The following B4GALNT3 variants were observed in gnomAD, a reference collection of about 807,000 sequenced individuals.
The protein encoded by B4GALNT3 is beta-1,4-N-acetyl-galactosaminyltransferase 3, also known as beta-1,4-N-acetylgalactosaminyltransferase 3.
B4GALNT3 carries 86 observed loss-of-function variants against 120.2 expected under a neutral mutation model. That is an observed-to-expected ratio of 0.72 (90% CI 0.60 to 0.86). B4GALNT3 has a LOEUF of 0.86. Among genes scored for constraint, B4GALNT3 ranks in the 40% least tolerant of loss-of-function variants. The probability of loss-of-function intolerance (pLI) is 0.00; values close to 1 mark genes in which losing one functional copy is unlikely to be tolerated. For missense variants in B4GALNT3, 1,167 were observed against 1,298.9 expected (o/e 0.90, Z 1.56); for synonymous variants, 518 against 510.4 (o/e 1.01, Z -0.20).
In B4GALNT3 at chr12:501,104, A is replaced by C. The variant is rs372631351; in HGVS notation, c.170-34062A>C. ...AGGCCAGGCTGGTCTCGAACTCCCA[A>C]CCTCAGGTGATCCACCCCCCTCAGC... is the stretch of plus-strand genomic sequence containing the variant. On this transcript the variant is annotated intron_variant, in intron 1 of 19. Transcript: ENST00000266383. Among the ~76,000 whole-genome samples, 179 of 151,608 alleles carry C rather than the reference A, an allele frequency of 1.2e-3. 3 individuals carry two copies. The East Asian group carries it at 0.014, about 12-fold the overall frequency.
chr12:492,355 T>C (rs960443835), intron 1 of B4GALNT3, among the ~76,000 whole-genome samples: 31 of 152,208 alleles, frequency 2.0e-4, no homozygotes, highest in African/African-American at 7.2e-4. Context: ...TAAAAACTCA[T>C]TAATATTCAC....
chr12:558,480 T>C (rs1270875691), intron 17 of B4GALNT3, 28 bp from the exon 18 acceptor site: 1 of 1,608,662 alleles, frequency 6.2e-7, no homozygotes, highest in Non-Finnish European at 8.5e-7. Flanking sequence ...CTGCAGGGTC[T>C]GCTGACCCTG....
intron 1 of B4GALNT3, among the ~76,000 whole-genome samples, chr12:531,051 G>GCTCT (rs1158000106): frequency 6.6e-6 from 1 of 152,174 alleles, no homozygotes; most frequent in African/African-American, 2.4e-5. Flanking sequence ...GCTTACCAGA[G>GCTCT]GGTAAGCGAC....
chr12:556,680 C>G lies in B4GALNT3; in HGVS notation c.2194C>G (p.Arg732Gly), dbSNP rs761368019. The change falls in exon 15 of 20, where the codon CGA becomes GGA. Residue 732 changes from arginine to glycine, a missense_variant. Coordinates refer to ENST00000266383, the MANE Select transcript of B4GALNT3 (RefSeq NM_173593.4). ...GCGGCTCTCGGAGTATGTGTCTGCA[C>G]GAGGCTGGCAGGGCATCGATCCAGC... Reference protein sequence around the residue: ...VVRLSEYVSARGWQGIDPAGG... With the variant: ...VVRLSEYVSAGGWQGIDPAGG... 2.5e-6 allele frequency: 4 copies of G among 1,613,940 alleles called. No homozygotes were observed. The Admixed American group carries it at 6.7e-5, about 27-fold the overall frequency.
In B4GALNT3 at chr12:559,232, G is replaced by C. The variant is rs1592060669; in HGVS notation, c.2762-63G>C. On this transcript the variant is annotated intron_variant, in intron 18 of 19. Transcript: ENST00000266383. ...GAGCCTCTAGGCACACAGCCTGGAA[G>C]CCTCCTTCCTTCCTCCTCCTGGCCT... The C allele has an allele frequency of 1.9e-6, 3 of 1,606,502 alleles. No individual in the cohort carries two copies. In the East Asian group the frequency reaches 6.7e-5, roughly 36 times the overall value.
chr12:531,478 A>G (rs4980935), intron 1 of B4GALNT3, among the ~76,000 whole-genome samples: 62,993 of 151,700 alleles, frequency 0.42, 14,735 homozygotes, highest in East Asian at 0.83. Flanking sequence ...GAAAGACCCC[A>G]TCTCTAAAAT....
At chr12:480,247 T>C (rs1479621724) in intron 1 of B4GALNT3, among the ~76,000 whole-genome samples, 3 of 152,198 alleles carry the variant, frequency 2.0e-5, no homozygotes, top group African/African-American at 7.2e-5. Context: ...ACTGACCAAT[T>C]AAAAAGGAAA....
chr12:489,637 G>A (rs987138822), intron 1 of B4GALNT3, among the ~76,000 whole-genome samples: 1 of 152,168 alleles, frequency 6.6e-6, no homozygotes, highest in Non-Finnish European at 1.5e-5. Context: ...TAAAAAGAAA[G>A]CGGAAGAATA....
At chr12:491,883 G>A (rs562577408) in intron 1 of B4GALNT3, among the ~76,000 whole-genome samples, 4 of 151,746 alleles carry the variant, frequency 2.6e-5, no homozygotes, top group East Asian at 3.9e-4. Flanking sequence ...GTGAAACCTC[G>A]TCTCTACTAA....
intron 1 of B4GALNT3, among the ~76,000 whole-genome samples, chr12:505,365 C>T (rs1946487813): frequency 6.6e-6 from 1 of 152,236 alleles, no homozygotes; most frequent in African/African-American, 2.4e-5. Context: ...AGAGAACTGA[C>T]AGCAGCATCA....
Position 557,600 on chromosome 12 carries a change from T to C in B4GALNT3, c.2381-8T>C, listed in dbSNP as rs759701638. Reference sequence around the variant, plus strand: ...TGTTTCCTTCTCCTGCCTGACCCCCTGGGGTAGTGAAGAACCAGGCACGCT... The same window carrying C: ...TGTTTCCTTCTCCTGCCTGACCCCCCGGGGTAGTGAAGAACCAGGCACGCT... On this transcript the variant is annotated splice_region_variant and splice_polypyrimidine_tract_variant and intron_variant, in intron 15 of 19. Transcript: ENST00000266383. 3 of 1,607,370 alleles carry C rather than the reference T, an allele frequency of 1.9e-6. No homozygotes were observed. The highest frequency in any genetic ancestry group is 2.5e-6 in the Non-Finnish European group (3 of 1,177,660).
At position 556,846 on chromosome 12, in the gene B4GALNT3, T is replaced by C; in HGVS notation, c.2360T>C (p.Val787Ala). ...PQGFSWSHRA[V>A]VHFVVPVKNQ... ...GGTTTCTCCTGGAGTCACCGAGCCG[T>C]GGTCCACTTCGTCGTGCCTGGTGAG... Residue 787 changes from valine (V) to alanine (A), a missense_variant, in exon 15 of 20, where the codon GTG becomes GCG. Val to Ala is a moderately conservative substitution (Grantham distance 64). Coordinates refer to ENST00000266383, the MANE Select transcript of B4GALNT3 (RefSeq NM_173593.4). 1.6e-5 allele frequency: 25 copies of C among 1,606,196 alleles called. No homozygotes were observed. The highest frequency in any genetic ancestry group is 2.1e-5 in the Non-Finnish European group (25 of 1,173,718).
intron 3 of B4GALNT3, among the ~76,000 whole-genome samples, chr12:537,791 G>T (rs1455237584): frequency 1.3e-5 from 2 of 152,180 alleles, no homozygotes; most frequent in African/African-American, 4.8e-5. Flanking sequence ...GTACGGGCTA[G>T]CTCATTGTCT....
intron 1 of B4GALNT3, among the ~76,000 whole-genome samples, chr12:529,178 G>A (rs1321695473): frequency 6.6e-6 from 1 of 152,100 alleles, no homozygotes; most frequent in Non-Finnish European, 1.5e-5. Flanking sequence ...AAGAGCTTCA[G>A]AAAGACCTTT....
At chr12:558,154 G>A (rs1426014012) in intron 17 of B4GALNT3, 66 bp downstream of exon 17, 1 of 1,556,866 alleles carries the variant, frequency 6.4e-7, no homozygotes, top group Non-Finnish European at 8.9e-7. Flanking sequence ...AGAGACATTT[G>A]GGGTAAATGA....
At chr12:544,845 T>C in intron 4 of B4GALNT3, 37 bp from the exon 5 acceptor site, 1 of 1,602,186 alleles carries the variant, frequency 6.2e-7, no homozygotes, top group Non-Finnish European at 8.5e-7. Flanking sequence ...CTTTTCCCTC[T>C]TCTGGGTAAC....
intron 1 of B4GALNT3, among the ~76,000 whole-genome samples, chr12:532,192 C>T (rs1414832102): frequency 1.3e-5 from 2 of 152,166 alleles, no homozygotes; most frequent in African/African-American, 4.8e-5. Context: ...CTCCTTAAAT[C>T]CATGAGGGTT....
chr12:536,118 C>A, intron 2 of B4GALNT3, 100 bp from the exon 3 acceptor site: 1 of 917,042 alleles, frequency 1.1e-6, no homozygotes, highest in Non-Finnish European at 1.8e-6. Flanking sequence ...CAGCGTGCTC[C>A]GAGCCGACGC....
chr12:465,639 C>G (rs1946070584), intron 1 of B4GALNT3, among the ~76,000 whole-genome samples: 1 of 152,144 alleles, frequency 6.6e-6, no homozygotes, highest in African/African-American at 2.4e-5. Flanking sequence ...CTCTCAGTCC[C>G]TGTGCTGATG....
Sources: allele counts gnomAD v4.1 joint callset (sites outside exome capture counted in the v4.1 genomes callset), GRCh38; gene constraint gnomAD v4.1.1; transcripts MANE v1.5; gene names NCBI Gene and HGNC (gene_info 2026-07-23, HGNC 2026-07-21).